The following PDE10A variants were observed in gnomAD, a reference collection of about 807,000 sequenced individuals.
PDE10A encodes the protein phosphodiesterase 10A, also known as cAMP and cAMP-inhibited cGMP 3',5'-cyclic phosphodiesterase 10A.
PDE10A carries 39 observed loss-of-function variants against 97.7 expected under a neutral mutation model. The observed-to-expected ratio is 0.40, with a 90% CI of 0.31 to 0.52. The LOEUF (loss-of-function observed/expected upper bound fraction) is 0.52. Among genes scored for constraint, PDE10A ranks in the 20% least tolerant of loss-of-function variants. The pLI is 0.56. For missense variants in PDE10A, 731 were observed against 1,047.8 expected, an observed-to-expected ratio of 0.70 and a Z score of 4.17; for synonymous variants, 371 against 376.8, an observed-to-expected ratio of 0.98 and a Z score of 0.18.
At chr6:165,961,948 G>A (rs1364827338) in intron 1 of PDE10A, among the ~76,000 whole-genome samples, 3 of 152,226 alleles carry the variant, frequency 2.0e-5, no homozygotes, top group Non-Finnish European at 4.4e-5. Context: ...CTTTTGTGGA[G>A]CATTATTTGC....
At chr6:165,634,994 T>C (rs1223603709) in intron 1 of PDE10A, among the ~76,000 whole-genome samples, 1 of 152,162 alleles carries the variant, frequency 6.6e-6, no homozygotes, top group Non-Finnish European at 1.5e-5. Flanking sequence ...GCCTGGGAAG[T>C]GGTTGGACTA....
At chr6:165,898,963 C>G (rs951114073) in intron 1 of PDE10A, among the ~76,000 whole-genome samples, 44 of 152,322 alleles carry the variant, frequency 2.9e-4, no homozygotes, top group African/African-American at 9.6e-4. Flanking sequence ...GTCATCTGAT[C>G]CAAAGGCCTT....
intron 2 of PDE10A, among the ~76,000 whole-genome samples, chr6:165,523,643 A>G (rs936508677): frequency 2.6e-5 from 4 of 152,198 alleles, no homozygotes; most frequent in African/African-American, 7.2e-5. Context: ...AGACTTAAAT[A>G]TAGGACCTAA....
chr6:165,789,935 C>T (rs906999119), intron 1 of PDE10A, among the ~76,000 whole-genome samples: 2 of 151,854 alleles, frequency 1.3e-5, no homozygotes, highest in Non-Finnish European at 2.9e-5. Context: ...AAGAAAGAGA[C>T]GGGATGGTGT....
intron 5 of PDE10A, among the ~76,000 whole-genome samples, chr6:165,446,456 T>G (rs1790855047): frequency 1.3e-5 from 2 of 152,086 alleles, no homozygotes; most frequent in Non-Finnish European, 2.9e-5. Context: ...AATCCCTGGG[T>G]CAAGGAAATA....
At chr6:165,835,301 T>C (rs1400005367) in intron 1 of PDE10A, among the ~76,000 whole-genome samples, 1 of 152,254 alleles carries the variant, frequency 6.6e-6, no homozygotes, top group Non-Finnish European at 1.5e-5. Flanking sequence ...TCAAATGTCT[T>C]GGGATATTCC....
chr6:165,580,940 A>G (rs947580346), intron 1 of PDE10A, among the ~76,000 whole-genome samples: 4 of 152,198 alleles, frequency 2.6e-5, no homozygotes, highest in African/African-American at 9.7e-5. Context: ...ATGAGAAAGA[A>G]GATGGTAAGT....
At chr6:165,883,183 C>G (rs1370995795) in intron 1 of PDE10A, among the ~76,000 whole-genome samples, 1 of 152,042 alleles carries the variant, frequency 6.6e-6, no homozygotes, top group Non-Finnish European at 1.5e-5. Flanking sequence ...TTGCAGTGAG[C>G]CAAGATCGTG....
intron 1 of PDE10A, among the ~76,000 whole-genome samples, chr6:165,889,446 A>T (rs985916984): frequency 2.0e-5 from 3 of 152,182 alleles, no homozygotes; most frequent in African/African-American, 7.2e-5. Context: ...CAAAGGGGAA[A>T]AGCCATTGGC....
At position 165,388,554 on chromosome 6, in the gene PDE10A, T is replaced by C; in HGVS notation, c.2455-101A>G. 2 of 1,017,248 alleles carry C rather than the reference T, an allele frequency of 2.0e-6. No individual in the cohort carries two copies. Among genetic ancestry groups the C allele is most frequent in the Non-Finnish European group, 3.0e-6 (2 of 659,362 alleles). The allele number at this position is 1,017,248 out of a possible 1,614,324, so 63.0% of individuals were successfully genotyped here. On this transcript the variant is annotated intron_variant, in intron 16 of 21. Transcript: ENST00000539869. The surrounding 1 kb of genome is among the most constrained non-coding windows in gnomAD (Gnocchi z 4.0). ...GTCACATTACTTTCTGGCATTAATA[T>C]AGCACAAATACAGCATTCTGGCATA...
rs529690539 is a variant in PDE10A at position 165,729,990 on chromosome 6, G to A, written c.-614-186422C>T. 3.7e-3 allele frequency among the ~76,000 whole-genome samples: 558 copies of A among 152,006 alleles called. 4 individuals carry two copies. Among genetic ancestry groups the A allele is most frequent in the African/African-American group, 0.013 (534 of 41,450 alleles). ...ATACATATATATCACCAAGAAATAC[G>A]TCACCTGTATATCAATCTTGAAAAA... On this transcript the variant is annotated intron_variant, in intron 1 of 19. Coordinates refer to the PDE10A transcript ENST00000366882.
intron 1 of PDE10A, among the ~76,000 whole-genome samples, chr6:165,602,420 A>G (rs928946385): frequency 6.6e-6 from 1 of 152,158 alleles, no homozygotes. Flanking sequence ...AGAGAAAGAA[A>G]TGTAGCACCA....
chr6:165,504,439 T>C (rs1311798230), intron 2 of PDE10A, among the ~76,000 whole-genome samples: 1 of 152,232 alleles, frequency 6.6e-6, no homozygotes, highest in Non-Finnish European at 1.5e-5. Flanking sequence ...ATCTCCAGTA[T>C]GATCCTGGCC....
chr6:165,431,382 T>G (rs201146645), intron 8 of PDE10A, 40 bp downstream of exon 8: 4 of 1,451,818 alleles, frequency 2.8e-6, no homozygotes, highest in African/African-American at 2.8e-5. Context: ...AAACCTCTTC[T>G]CCCTTAGGAA....
chr6:165,705,962 G>T (rs1278133124), intron 1 of PDE10A, among the ~76,000 whole-genome samples: 1 of 152,214 alleles, frequency 6.6e-6, no homozygotes, highest in African/African-American at 2.4e-5. Flanking sequence ...GGTCAGTGGG[G>T]ACAGTGACAT....
At chr6:165,605,863 G>T (rs1233084467) in intron 1 of PDE10A, among the ~76,000 whole-genome samples, 2 of 152,048 alleles carry the variant, frequency 1.3e-5, no homozygotes, top group Non-Finnish European at 2.9e-5. Flanking sequence ...GAAAGAGACA[G>T]GTTTTGATTC....
chr6:165,631,680 G>A (rs28469241), intron 1 of PDE10A, among the ~76,000 whole-genome samples: 44,518 of 151,804 alleles, frequency 0.29, 6,698 homozygotes, highest in Middle Eastern at 0.44. Context: ...ATCATTATAC[G>A]AATAAATCAG....
upstream of PDE10A, among the ~76,000 whole-genome samples, chr6:165,663,835 G>A (rs570510827): frequency 1.6e-4 from 24 of 152,274 alleles, no homozygotes; most frequent in African/African-American, 5.8e-4. Flanking sequence ...TGCCATATGC[G>A]GCTCTCTTGG....
chr6:165,555,478 T>G (rs1784208618), intron 1 of PDE10A, among the ~76,000 whole-genome samples: 1 of 152,202 alleles, frequency 6.6e-6, no homozygotes, highest in South Asian at 2.1e-4. Flanking sequence ...TTCAGTAACA[T>G]CTATCTTCAT....
Sources: gnomAD v4.1 joint callset for allele counts (sites outside exome capture counted in the v4.1 genomes callset) on GRCh38, gnomAD v4.1.1 for gene constraint, Gnocchi (gnomAD v3.1) non-coding constraint, MANE v1.5 for transcripts, NCBI Gene and HGNC (gene_info 2026-07-23, HGNC 2026-07-21) for gene names.